CUX1: variants seen among roughly 807,000 people sequenced by gnomAD.
CUX1 encodes the protein cut like homeobox 1.
A neutral mutation model predicts 158.8 loss-of-function variants in CUX1; 31 were observed. That is an observed-to-expected ratio of 0.20 (90% CI 0.15 to 0.26). CUX1 has a LOEUF of 0.26. Among genes scored for constraint, CUX1 ranks in the 10% least tolerant of loss-of-function variants. CUX1 has a pLI of 1.00. For synonymous variants in CUX1, 879 were observed against 862.1 expected (o/e 1.02, Z -0.34); for missense variants, 1,589 against 2,014.6 (o/e 0.79, Z 4.04).
chr7:101,937,467 G>A (rs1374697616), intron 2 of CUX1, among the ~76,000 whole-genome samples: 2 of 152,124 alleles, frequency 1.3e-5, no homozygotes, highest in African/African-American at 4.8e-5. Flanking sequence ...AGGTTGTGGG[G>A]GGCCTTCAGA....
At chr7:102,269,207 T>A (rs1476125581) in intron 14 of CUX1, among the ~76,000 whole-genome samples, 1 of 151,950 alleles carries the variant, frequency 6.6e-6, no homozygotes, top group African/African-American at 2.4e-5. Flanking sequence ...ATTCCTGGGC[T>A]CCAGTGATCC....
intron 8 of CUX1, among the ~76,000 whole-genome samples, chr7:102,151,743 A>C (rs1174669100): frequency 1.4e-5 from 2 of 147,940 alleles, no homozygotes; most frequent in African/African-American, 2.5e-5. Flanking sequence ...AAAAAAAAAA[A>C]AAAAAAAAAA....
At chr7:102,126,826 A>G (rs1162072084) in intron 8 of CUX1, among the ~76,000 whole-genome samples, 1 of 152,226 alleles carries the variant, frequency 6.6e-6, no homozygotes, top group African/African-American at 2.4e-5. Flanking sequence ...GTAATATATA[A>G]TGAAATAATT....
In CUX1 at chr7:101,834,227, G is replaced by A. The variant is rs575109246; in HGVS notation, c.30+16558G>A. On this transcript the variant is annotated intron_variant, in intron 1 of 23. Coordinates refer to ENST00000292535, the MANE Select transcript of CUX1 (RefSeq NM_181552.4). ...CTCCCTCTGTTGCCCAGGCTGGAGT[G>A]CAGTGGCACTATCTCAGCCCACTGC... is the stretch of plus-strand genomic sequence containing the variant. Among the ~76,000 whole-genome samples the A allele has an allele frequency of 4.6e-4, 62 of 134,302 alleles. 1 individual carries two copies. In the South Asian group the frequency reaches 5.6e-3, roughly 12 times the overall value. 88.1% of individuals were successfully genotyped at this position (134,302 alleles called of 152,430 possible).
intron 8 of CUX1, among the ~76,000 whole-genome samples, chr7:102,116,661 T>C (rs1831468744): frequency 6.6e-6 from 1 of 152,048 alleles, no homozygotes; most frequent in East Asian, 1.9e-4. Flanking sequence ...ATTTTTAAAA[T>C]ATTGTTTTAG....
intron 7 of CUX1, chr7:102,112,000 A>G (rs1830942625): frequency 2.1e-6 from 1 of 474,248 alleles, no homozygotes; most frequent in Non-Finnish European, 3.8e-6. Flanking sequence ...TCTCGATTCC[A>G]TTTTCATCCC....
At position 102,257,280 on chromosome 7, in the gene CUX1, A is replaced by C. The variant is rs1789999689; in HGVS notation, c.*8238A>C. The C allele has an allele frequency of 2.0e-6, 2 of 983,326 alleles. No homozygotes were observed. The highest frequency in any genetic ancestry group is 2.4e-6 in the Non-Finnish European group (2 of 829,582). The allele number at this position is 983,326 out of a possible 1,614,324, so 60.9% of individuals were successfully genotyped here. On this transcript the variant is annotated 3_prime_UTR_variant, in exon 24 of 24. Transcript: ENST00000292535. ...TCTTTGAAAGAAACCCTCCACCGAA[A>C]CAATGGTCCCCATCTCCCCAGAAGC...
rs1563149405 is a variant in CUX1 at position 102,028,164 on chromosome 7, T to C, written c.189+19T>C. The C allele has an allele frequency of 6.2e-7, 1 of 1,613,320 alleles. No individual in the cohort carries two copies. Among genetic ancestry groups the C allele is most frequent in the Non-Finnish European group, 8.5e-7 (1 of 1,179,780 alleles). ...AGGAGAGGTAAGCTTTTCTATTCAT[T>C]TTCTATCCTGAGCCACCCTTCGTGG... is the stretch of plus-strand genomic sequence containing the variant. On this transcript the variant is annotated intron_variant, in intron 3 of 23. Transcript: ENST00000292535.
At chr7:101,872,718 G>A (rs1798704609) in intron 1 of CUX1, among the ~76,000 whole-genome samples, 1 of 151,856 alleles carries the variant, frequency 6.6e-6, no homozygotes, top group Non-Finnish European at 1.5e-5. Flanking sequence ...TGCACTTCTA[G>A]GTTAAAGTTT....
At chr7:102,195,449 C>G in intron 13 of CUX1, 58 bp from the exon 14 acceptor site, 1 of 1,421,574 alleles carries the variant, frequency 7.0e-7, no homozygotes, top group Non-Finnish European at 9.6e-7. Flanking sequence ...GGCCTGGTGG[C>G]CCCGGGAGCG....
chr7:102,099,271 T>C (rs1829538183), intron 5 of CUX1, among the ~76,000 whole-genome samples: 1 of 152,068 alleles, frequency 6.6e-6, no homozygotes, highest in South Asian at 2.1e-4. Context: ...GTGGTGAGCC[T>C]TTAGGACTAG....
intron 3 of CUX1, among the ~76,000 whole-genome samples, chr7:102,068,821 A>G (rs962377991): frequency 6.6e-6 from 1 of 152,216 alleles, no homozygotes; most frequent in East Asian, 1.9e-4. Flanking sequence ...TTTCGGCTGT[A>G]AAGTGCGATC....
chr7:101,885,180 T>C (rs988625753), intron 1 of CUX1, among the ~76,000 whole-genome samples: 29 of 152,294 alleles, frequency 1.9e-4, no homozygotes, highest in Admixed American at 1.6e-3. Flanking sequence ...CTAAGAAGTG[T>C]TTGATAGCTT....
intron 1 of CUX1, among the ~76,000 whole-genome samples, chr7:101,900,698 A>C (rs1802051464): frequency 6.6e-6 from 1 of 152,156 alleles, no homozygotes; most frequent in Non-Finnish European, 1.5e-5. Flanking sequence ...AAAATGTGAG[A>C]AGGGAACACA....
intron 2 of CUX1, among the ~76,000 whole-genome samples, chr7:101,979,959 T>A (rs975039889): frequency 2.0e-5 from 3 of 151,558 alleles, no homozygotes; most frequent in Non-Finnish European, 4.4e-5. Context: ...CGGCTGGGTG[T>A]TTTATTTCTT....
At chr7:101,855,996 A>C (rs533331986) in intron 1 of CUX1, among the ~76,000 whole-genome samples, 13 of 152,082 alleles carry the variant, frequency 8.5e-5, no homozygotes, top group African/African-American at 3.1e-4. Flanking sequence ...CCTGGGCAAC[A>C]TAGCAAGAAC....
At chr7:102,130,952 C>T (rs1563286366) in intron 8 of CUX1, among the ~76,000 whole-genome samples, 1 of 151,840 alleles carries the variant, frequency 6.6e-6, no homozygotes, top group Non-Finnish European at 1.5e-5. Context: ...AGTTCAAGAC[C>T]GGCCTGGCCA....
chr7:102,037,117 A>C (rs182119278), intron 3 of CUX1, among the ~76,000 whole-genome samples: 3 of 152,272 alleles, frequency 2.0e-5, no homozygotes, highest in African/African-American at 4.8e-5. Flanking sequence ...GCTTGAGCCC[A>C]CAAGTTGGAG....
chr7:102,199,135 C>G (rs1190104183), intron 16 of CUX1, among the ~76,000 whole-genome samples: 1 of 152,164 alleles, frequency 6.6e-6, no homozygotes, highest in Non-Finnish European at 1.5e-5. Flanking sequence ...CACTTCAGAT[C>G]CTAATTACCC....
Sources: allele counts gnomAD v4.1 joint callset (sites outside exome capture counted in the v4.1 genomes callset), GRCh38; gene constraint gnomAD v4.1.1; transcripts MANE v1.5; gene names NCBI Gene and HGNC (gene_info 2026-07-23, HGNC 2026-07-21).